The following NRXN3 variants were observed in gnomAD, a reference collection of about 807,000 sequenced individuals.
NRXN3 encodes neurexin III.
Under a neutral mutation model 137.6 loss-of-function variants are expected in NRXN3, and 32 were observed. That is an observed-to-expected ratio of 0.23 (90% CI 0.18 to 0.31). The LOEUF (loss-of-function observed/expected upper bound fraction) is 0.31. Ranked by LOEUF, NRXN3 falls within the 10% of genes least tolerant of loss-of-function variation. The probability of loss-of-function intolerance (pLI) is 1.00; values close to 1 mark genes in which losing one functional copy is unlikely to be tolerated. For missense variants in NRXN3, 1,574 were observed against 2,062.5 expected, an observed-to-expected ratio of 0.76 and a Z score of 4.59; for synonymous variants, 798 against 784.5, an observed-to-expected ratio of 1.02 and a Z score of -0.29.
chr14:79,129,400 A>G (rs2057082436), intron 15 of NRXN3, among the ~76,000 whole-genome samples: 1 of 151,060 alleles, frequency 6.6e-6, no homozygotes, highest in African/African-American at 2.5e-5. Flanking sequence ...TTGGTTTCAA[A>G]GAACATGTTT....
intron 4 of NRXN3, among the ~76,000 whole-genome samples, chr14:78,426,031 C>A (rs2093652364): frequency 6.6e-6 from 1 of 152,174 alleles, no homozygotes. Context: ...TGTGGGTAGC[C>A]AGGAGCAGGC....
intron 15 of NRXN3, among the ~76,000 whole-genome samples, chr14:79,147,087 T>A (rs1436764195): frequency 6.6e-6 from 1 of 152,044 alleles, no homozygotes; most frequent in Non-Finnish European, 1.5e-5. Context: ...TTAAAAGACA[T>A]CCAAATGGGT....
intron 4 of NRXN3, among the ~76,000 whole-genome samples, chr14:78,606,421 T>G (rs902459697): frequency 2.0e-5 from 3 of 152,226 alleles, no homozygotes; most frequent in Non-Finnish European, 4.4e-5. Flanking sequence ...TTACTCATTC[T>G]TCTAGACTAA....
chr14:79,049,520 A>G (rs543314586), intron 15 of NRXN3, among the ~76,000 whole-genome samples: 3 of 152,288 alleles, frequency 2.0e-5, no homozygotes, highest in South Asian at 2.1e-4. Context: ...GTTGACATCA[A>G]CTTCTTCCAA....
Position 78,733,246 on chromosome 14 carries a change from GCT to G in NRXN3, c.2044+18109_2044+18110del, listed in dbSNP as rs1194715171. ...GCCTCATGCCTGGGATATAGAACGT[GCT>G]CAACACATTGTTGTTGACGGTGATA... On this transcript the variant is annotated intron_variant, in intron 8 of 20. Transcript: ENST00000335750. Among the ~76,000 whole-genome samples, 325 of 152,196 alleles carry G rather than the reference GCT, an allele frequency of 2.1e-3. 2 individuals carry two copies. Among genetic ancestry groups the G allele is most frequent in the African/African-American group, 7.5e-3 (312 of 41,530 alleles).
chr14:78,408,764 G>C (rs1249600516), intron 4 of NRXN3, among the ~76,000 whole-genome samples: 1 of 152,204 alleles, frequency 6.6e-6, no homozygotes, highest in Non-Finnish European at 1.5e-5. Flanking sequence ...GGGAATTCCT[G>C]GTACACTTCC....
At position 79,560,266 on chromosome 14, in the gene NRXN3, G is replaced by A. The variant is rs186621539; in HGVS notation, c.3444+92864G>A. On this transcript the variant is annotated intron_variant, in intron 16 of 20. Transcript: ENST00000335750. ...TTCAGTCTTTCCTCTGGCCTGGTTC[G>A]TCAAACTTTCTAAAAAATTATGGAT... 1.8e-3 allele frequency among the ~76,000 whole-genome samples: 280 copies of A among 151,900 alleles called. 1 individual carries two copies. The highest frequency in any genetic ancestry group is 4.3e-3 in the African/African-American group (178 of 41,402).
intron 3 of NRXN3, among the ~76,000 whole-genome samples, chr14:78,296,064 T>C (rs1206734869): frequency 3.3e-5 from 5 of 149,640 alleles, no homozygotes; most frequent in East Asian, 1.9e-4. Flanking sequence ...CTCTGTCTTT[T>C]TTTTTTTTTT....
chr14:79,532,081 A>G (rs536807307), intron 16 of NRXN3, among the ~76,000 whole-genome samples: 1 of 152,266 alleles, frequency 6.6e-6, no homozygotes, highest in East Asian at 1.9e-4. Context: ...CACCTTTTCT[A>G]TACCACTCTC....
intron 4 of NRXN3, among the ~76,000 whole-genome samples, chr14:78,504,923 C>G (rs948273284): frequency 6.6e-6 from 1 of 152,158 alleles, no homozygotes; most frequent in East Asian, 1.9e-4. Flanking sequence ...AGGGTCACAG[C>G]TCTTAGACCC....
intron 4 of NRXN3, among the ~76,000 whole-genome samples, chr14:78,383,594 T>A (rs2089493260): frequency 6.6e-6 from 1 of 152,206 alleles, no homozygotes; most frequent in South Asian, 2.1e-4. Flanking sequence ...AGGCATATCA[T>A]CTACTGTACA....
intron 16 of NRXN3, among the ~76,000 whole-genome samples, chr14:79,488,637 T>G (rs1473659849): frequency 6.6e-6 from 1 of 152,148 alleles, no homozygotes; most frequent in African/African-American, 2.4e-5. Flanking sequence ...ATGCTGGTGA[T>G]GATTTGGAGC....
chr14:79,534,592 C>A (rs1262475417), intron 16 of NRXN3, among the ~76,000 whole-genome samples: 1 of 151,944 alleles, frequency 6.6e-6, no homozygotes, highest in Non-Finnish European at 1.5e-5. Flanking sequence ...TATGTGAATT[C>A]TATTCAGAGT....
intron 16 of NRXN3, among the ~76,000 whole-genome samples, chr14:79,510,429 T>C (rs2096921679): frequency 6.6e-6 from 1 of 152,126 alleles, no homozygotes; most frequent in South Asian, 2.1e-4. Context: ...TAGGGAAGAC[T>C]TACCAGCCAG....
At chr14:79,152,724 T>G (rs1222067811) in intron 15 of NRXN3, among the ~76,000 whole-genome samples, 5 of 151,984 alleles carry the variant, frequency 3.3e-5, no homozygotes, top group Non-Finnish European at 7.4e-5. Context: ...CTCCCACAAT[T>G]AAGTTATCTC....
chr14:78,333,154 C>G (rs1217959413), intron 4 of NRXN3, among the ~76,000 whole-genome samples: 8 of 152,154 alleles, frequency 5.3e-5, no homozygotes, highest in African/African-American at 1.9e-4. Context: ...ACTCTTGCTC[C>G]TTGGATTGTT....
chr14:78,440,728 G>C, intron 4 of NRXN3, among the ~76,000 whole-genome samples: 1 of 152,122 alleles, frequency 6.6e-6, no homozygotes, highest in East Asian at 1.9e-4. Flanking sequence ...CTGTGCTATG[G>C]GGGAGGAGAG....
intron 5 of NRXN3, among the ~76,000 whole-genome samples, chr14:78,649,108 T>C (rs1470868219): frequency 2.0e-5 from 3 of 152,190 alleles, no homozygotes. Context: ...GGGTGCCTTT[T>C]TTTTGAGAAA....
intron 2 of NRXN3, among the ~76,000 whole-genome samples, chr14:78,262,662 G>A (rs371882340): frequency 1.0e-3 from 154 of 152,082 alleles, no homozygotes; most frequent in African/African-American, 3.6e-3. Context: ...TTGTTTTCTC[G>A]GTACATGAAG....
Sources: gnomAD v4.1 joint callset for allele counts (sites outside exome capture counted in the v4.1 genomes callset) on GRCh38, gnomAD v4.1.1 for gene constraint, MANE v1.5 for transcripts, NCBI Gene and HGNC (gene_info 2026-07-23, HGNC 2026-07-21) for gene names.